Variants in MAP4K3 observed in about 807,000 individuals in gnomAD.
MAP4K3 encodes MAPK/ERK kinase kinase kinase 3.
Under a neutral mutation model 143.5 loss-of-function variants are expected in MAP4K3, and 94 were observed. The observed-to-expected ratio is 0.65, with a 90% CI of 0.55 to 0.78. The LOEUF (loss-of-function observed/expected upper bound fraction) is 0.78. MAP4K3 is among the 30% of genes least tolerant of loss of function. The pLI is 0.00. For synonymous variants in MAP4K3, 416 were observed against 347.2 expected (o/e 1.20, Z -2.20); for missense variants, 1,077 against 1,068.1 (o/e 1.01, Z -0.12).
chr2:39,303,245 T>C (rs190062484), intron 15 of MAP4K3: 9 of 166,424 alleles, frequency 5.4e-5, no homozygotes, highest in Admixed American at 5.2e-4. Flanking sequence ...GAGACACTTT[T>C]TAACGCAGTA....
rs185623361 is a variant in MAP4K3 at position 39,353,427 on chromosome 2, A to G, written c.245+2822T>C. ...TTTGATCAGCTATACCCATTTACAG[A>G]ATAAAATAATATATTTAAATCAGTG... On this transcript the variant is annotated intron_variant, in intron 3 of 33. Coordinates refer to ENST00000263881, the MANE Select transcript of MAP4K3 (RefSeq NM_003618.4). 1.9e-3 allele frequency among the ~76,000 whole-genome samples: 289 copies of G among 152,320 alleles called. 1 individual carries two copies. Among genetic ancestry groups the G allele is most frequent in the African/African-American group, 6.6e-3 (274 of 41,578 alleles).
intron 4 of MAP4K3, among the ~76,000 whole-genome samples, chr2:39,342,882 A>G (rs1665182517): frequency 6.6e-6 from 1 of 152,218 alleles, no homozygotes; most frequent in Non-Finnish European, 1.5e-5. Context: ...GAGAAAAGGA[A>G]GAAAAAGAAA....
At chr2:39,376,085 G>C (rs1376635319) in intron 2 of MAP4K3, among the ~76,000 whole-genome samples, 1 of 152,206 alleles carries the variant, frequency 6.6e-6, no homozygotes, top group Non-Finnish European at 1.5e-5. Context: ...GAATTGCTGG[G>C]TCATTATGGC....
At chr2:39,391,372 A>AG (rs1666652513) in intron 1 of MAP4K3, among the ~76,000 whole-genome samples, 4 of 149,838 alleles carry the variant, frequency 2.7e-5, no homozygotes, top group Admixed American at 2.7e-4. Context: ...AAAAAAAAAA[A>AG]AAAAAAAAAG....
intron 6 of MAP4K3, among the ~76,000 whole-genome samples, chr2:39,335,337 T>C (rs1307664574): frequency 2.0e-5 from 3 of 152,132 alleles, no homozygotes; most frequent in South Asian, 2.1e-4. Flanking sequence ...ACTCAGGCTA[T>C]TACAAAAGAC....
intron 1 of MAP4K3, among the ~76,000 whole-genome samples, chr2:39,397,310 T>C (rs923539703): frequency 2.6e-5 from 4 of 152,156 alleles, no homozygotes; most frequent in Non-Finnish European, 5.9e-5. Flanking sequence ...ATGAAAAGAA[T>C]ATACAAAGAT....
At chr2:39,428,471 G>A (rs550576192) in intron 1 of MAP4K3, among the ~76,000 whole-genome samples, 6 of 151,892 alleles carry the variant, frequency 4.0e-5, no homozygotes, top group Non-Finnish European at 7.4e-5. Context: ...TCAGGAGTTC[G>A]AGACCAGCCT....
At chr2:39,397,189 G>A (rs1256881612) in intron 1 of MAP4K3, among the ~76,000 whole-genome samples, 1 of 151,804 alleles carries the variant, frequency 6.6e-6, no homozygotes, top group African/African-American at 2.4e-5. Flanking sequence ...CAAGACTTTG[G>A]TACTAAAAAA....
intron 2 of MAP4K3, among the ~76,000 whole-genome samples, chr2:39,362,900 T>G (rs1665809312): frequency 6.6e-6 from 1 of 152,050 alleles, no homozygotes; most frequent in Admixed American, 6.5e-5. Flanking sequence ...CACATGCATA[T>G]AAGGTCAAAT....
intron 1 of MAP4K3, among the ~76,000 whole-genome samples, chr2:39,433,432 T>C (rs571506190): frequency 6.6e-6 from 1 of 152,270 alleles, no homozygotes; most frequent in African/African-American, 2.4e-5. Flanking sequence ...ACTTAAAGGG[T>C]AGGAATAATA....
chr2:39,385,301 C>T (rs1666466327), intron 1 of MAP4K3, among the ~76,000 whole-genome samples: 1 of 152,050 alleles, frequency 6.6e-6, no homozygotes, highest in South Asian at 2.1e-4. Context: ...TTCCCAGAAG[C>T]AACGCATGGT....
At chr2:39,435,209 T>A (rs1364801123) in intron 1 of MAP4K3, among the ~76,000 whole-genome samples, 1 of 67,698 alleles carries the variant, frequency 1.5e-5, no homozygotes, top group African/African-American at 2.7e-5. Flanking sequence ...ACTATCACAG[T>A]GGCCTCCCAA....
intron 1 of MAP4K3, among the ~76,000 whole-genome samples, chr2:39,427,634 T>A (rs1358277481): frequency 2.6e-5 from 4 of 152,076 alleles, no homozygotes; most frequent in Non-Finnish European, 5.9e-5. Flanking sequence ...ATTACACAAG[T>A]TGCAAATTTA....
In MAP4K3 at chr2:39,378,083, A is replaced by C. The variant is rs1666265445; in HGVS notation, c.137T>G (p.Val46Gly). 2 of 1,590,938 alleles carry C rather than the reference A, an allele frequency of 1.3e-6. No individual in the cohort carries two copies. The highest frequency in any genetic ancestry group is 1.7e-6 in the Non-Finnish European group (2 of 1,166,772). Residue 46 changes from valine to glycine, a missense_variant, in exon 2 of 34, where the codon GTA (valine) becomes GGA (glycine). By Grantham distance (109) the Val-to-Gly change is moderately radical (BLOSUM62 -3). This residue lies in a region of MAP4K3 where 213 missense variants were observed against 266.8 expected (regional missense o/e 0.80). Transcript: ENST00000263881. ...CAATTTACCTGGTTCCAATTTTATT[A>C]CTTTAATTGCTGCTAATTCACCAGT... ...VNTGELAAIK[V>G]IKLEPGEDFA...
intron 20 of MAP4K3, 47 bp from the exon 21 acceptor site, chr2:39,287,011 T>G (rs778851325): frequency 8.1e-7 from 1 of 1,228,068 alleles, no homozygotes. Flanking sequence ...TCATGAAAAC[T>G]TTTATTCAGA....
chr2:39,306,725 C>T (rs1006276091), intron 15 of MAP4K3, among the ~76,000 whole-genome samples: 4 of 152,172 alleles, frequency 2.6e-5, no homozygotes, highest in African/African-American at 9.7e-5. Flanking sequence ...CAACTGTTTC[C>T]AATTGCTGTG....
intron 1 of MAP4K3, among the ~76,000 whole-genome samples, chr2:39,380,377 C>T (rs1243316891): frequency 6.6e-6 from 1 of 152,082 alleles, no homozygotes; most frequent in Non-Finnish European, 1.5e-5. Context: ...ATTTTGCTAT[C>T]TCTAAATTGA....
At chr2:39,426,740 GAA>G (rs939487200) in intron 1 of MAP4K3, among the ~76,000 whole-genome samples, 1 of 151,896 alleles carries the variant, frequency 6.6e-6, no homozygotes, top group Admixed American at 6.6e-5. Flanking sequence ...TTTAAAAAAT[GAA>G]AGTTTCAAAC....
chr2:39,278,430 G>A lies in MAP4K3; in HGVS notation c.1771C>T (p.Leu591Phe). The A allele has an allele frequency of 6.3e-7, 1 of 1,592,346 alleles. No individual in the cohort carries two copies. Among genetic ancestry groups the A allele is most frequent in the South Asian group, 1.2e-5 (1 of 85,862 alleles). The change falls in exon 24 of 34, where the codon CTT becomes TTT. Residue 591 changes from leucine (L) to phenylalanine (F), a missense_variant. This residue lies in a region of MAP4K3 where 864 missense variants were observed against 801.2 expected (regional missense o/e 1.08). Transcript: ENST00000263881. Reference protein sequence around the residue: ...EGIYTLNLNELHETSMEQLFP... With the variant: ...EGIYTLNLNEFHETSMEQLFP... The stretch of plus-strand genomic sequence containing the variant: ...ACCTGTTCCATTGATGTTTCATGAA[G>A]TTCATTAAGATTGAGGGTATAAATC...
Sources: gnomAD v4.1 joint callset for allele counts (sites outside exome capture counted in the v4.1 genomes callset) on GRCh38, gnomAD v4.1.1 for gene constraint, gnomAD v4.1.1 regional missense constraint, MANE v1.5 for transcripts, NCBI Gene and HGNC (gene_info 2026-07-23, HGNC 2026-07-21) for gene names.